Variants in PFKFB1 observed in about 807,000 individuals in gnomAD.
PFKFB1 encodes the protein 6-phosphofructo-2-kinase/fructose-2,6-biphosphatase 1.
In PFKFB1, 34 loss-of-function variants were observed where a neutral mutation model predicts 46.4. The observed-to-expected ratio is 0.73, with a 90% CI of 0.56 to 0.98. The LOEUF (loss-of-function observed/expected upper bound fraction) is 0.98. PFKFB1 is among the 50% of genes least tolerant of loss of function. The probability of loss-of-function intolerance (pLI) is 0.00; values close to 1 mark genes in which losing one functional copy is unlikely to be tolerated. For missense variants in PFKFB1, 393 were observed against 376.3 expected (o/e 1.04, Z -0.37); for synonymous variants, 119 against 133.8 (o/e 0.89, Z 0.76).
chrX:54,956,729 T>A (rs750736859), intron 6 of PFKFB1, among the ~76,000 whole-genome samples: 11 of 110,353 alleles, frequency 1.0e-4, no homozygotes, highest in Non-Finnish European at 2.1e-4. Context: ...ACAGTCCTCA[T>A]CTCAGGTACT....
chrX:54,959,831 A>G lies in PFKFB1; in HGVS notation c.380T>C (p.Val127Ala), dbSNP rs781388819. The G allele has an allele frequency of 8.3e-7, 1 of 1,202,124 alleles. No homozygotes were observed. Among genetic ancestry groups the G allele is most frequent in the Non-Finnish European group, 1.1e-6 (1 of 887,201 alleles). ...AAAAATAAAAAATTTCTTTACCGCAACATGACCTTCCTCATGGCTGAGATA... is the reference window on the plus strand; with the variant it reads ...AAAAATAAAAAATTTCTTTACCGCAGCATGACCTTCCTCATGGCTGAGATA... ...HNYLSHEEGHVAVFDATNTTR... is the reference protein window; with the variant it reads ...HNYLSHEEGHAAVFDATNTTR... The change falls in exon 4 of 14, where the codon GTT becomes GCT. Residue 127 changes from valine (V) to alanine (A), a missense_variant. By Grantham distance (64) the Val-to-Ala change is moderately conservative. Coordinates refer to ENST00000375006, the MANE Select transcript of PFKFB1 (RefSeq NM_002625.4).
At chrX:54,970,191 G>T (rs1934608981) in intron 1 of PFKFB1, among the ~76,000 whole-genome samples, 1 of 111,572 alleles carries the variant, frequency 9.0e-6, no homozygotes, top group Admixed American at 9.5e-5. Context: ...TTATAGGCAT[G>T]AGCCACTGCA....
At chrX:54,988,970 G>A (rs1935173964) in intron 1 of PFKFB1, among the ~76,000 whole-genome samples, 1 of 112,110 alleles carries the variant, frequency 8.9e-6, no homozygotes, top group African/African-American at 3.2e-5. Context: ...AAAGAAACGA[G>A]CCAGATACAA....
At position 54,993,996 on chromosome X, in the gene PFKFB1, C is replaced by T. The variant is rs1935310618; in HGVS notation, c.12G>A (p.Glu4=). ...ACCTGGTTTGGGTGAGCTCTCCCATCTCTGGAGACATCTTAGGAGTCGCAC... is the reference window on the plus strand; with the variant it reads ...ACCTGGTTTGGGTGAGCTCTCCCATTTCTGGAGACATCTTAGGAGTCGCAC... MSP[E]MGELTQTRLQ... The change falls in exon 1 of 14, where the codon GAG becomes GAA. Residue 4 remains glutamate, a synonymous_variant. Coordinates refer to ENST00000375006, the MANE Select transcript of PFKFB1 (RefSeq NM_002625.4). 1 of 1,204,232 alleles carries T rather than the reference C, an allele frequency of 8.3e-7. No individual in the cohort carries two copies. Among genetic ancestry groups the T allele is most frequent in the Non-Finnish European group, 1.1e-6 (1 of 891,626 alleles).
chrX:54,961,839 C>G (rs1035174178), intron 2 of PFKFB1, among the ~76,000 whole-genome samples: 1 of 111,774 alleles, frequency 8.9e-6, no homozygotes, highest in Non-Finnish European at 1.9e-5. Flanking sequence ...CTTTTACAGG[C>G]AGATATGGGC....
At position 54,966,258 on chromosome X, in the gene PFKFB1, C is replaced by CT. The variant is rs1308034839; in HGVS notation, c.98-2877dup. On this transcript the variant is annotated intron_variant, in intron 1 of 13. Coordinates refer to ENST00000375006, the MANE Select transcript of PFKFB1 (RefSeq NM_002625.4). ...CTCTCACTAACTCAAATATAAAACT[C>CT]TGAGAGAATGCATGGACAACTATAT... 1.1e-4 allele frequency among the ~76,000 whole-genome samples: 12 copies of CT among 111,909 alleles called. No individual in the cohort carries two copies. In the East Asian group the frequency reaches 3.4e-3, roughly 31 times the overall value.
At chrX:54,966,647 C>T (rs1041982541) in intron 1 of PFKFB1, among the ~76,000 whole-genome samples, 26 of 111,406 alleles carry the variant, frequency 2.3e-4, no homozygotes, top group African/African-American at 8.5e-4. Context: ...TAAGGTCCTT[C>T]CTCTAGGTGA....
At chrX:54,986,620 T>C (rs1471629436) in intron 1 of PFKFB1, among the ~76,000 whole-genome samples, 2 of 111,941 alleles carry the variant, frequency 1.8e-5, no homozygotes, top group Non-Finnish European at 3.8e-5. Context: ...CTTTCAATAA[T>C]GGATAGAACA....
At position 54,952,057 on chromosome X, in the gene PFKFB1, C is replaced by G; in HGVS notation, c.694G>C (p.Val232Leu). The change falls in exon 8 of 14, where the codon GTG (valine) becomes CTG (leucine). Residue 232 changes from valine (V) to leucine (L), a missense_variant. By Grantham distance (32) the Val-to-Leu change is conservative (BLOSUM62 1). Coordinates refer to ENST00000375006, the MANE Select transcript of PFKFB1 (RefSeq NM_002625.4). Reference protein sequence around the residue: ...DVGTRYMVNRVQDHIQSRTVY... With the variant: ...DVGTRYMVNRLQDHIQSRTVY... ...GTGCGGCTCTGGATGTGATCCTGCA[C>G]TCGGTTCACCATGTAGCGTGTGCCC... is the stretch of plus-strand genomic sequence containing the variant. 3.3e-6 allele frequency: 4 copies of G among 1,209,782 alleles called. No individual in the cohort carries two copies. The highest frequency in any genetic ancestry group is 4.5e-6 in the Non-Finnish European group (4 of 894,895).
intron 7 of PFKFB1, among the ~76,000 whole-genome samples, chrX:54,954,241 C>T (rs188834713): frequency 4.5e-4 from 50 of 112,117 alleles, no homozygotes; most frequent in Non-Finnish European, 7.1e-4. Flanking sequence ...CAGCTGGGTG[C>T]GGTGGCTCAT....
chrX:54,949,664 G>A (rs1188744109), intron 8 of PFKFB1, among the ~76,000 whole-genome samples: 1 of 111,921 alleles, frequency 8.9e-6, no homozygotes, highest in Non-Finnish European at 1.9e-5. Flanking sequence ...ACCAAGTTCT[G>A]TCCACATTTC....
intron 1 of PFKFB1, among the ~76,000 whole-genome samples, chrX:54,966,524 T>C (rs1292280372): frequency 1.8e-5 from 2 of 111,596 alleles, no homozygotes; most frequent in South Asian, 3.8e-4. Flanking sequence ...GGGAAATCCA[T>C]TGGGTTTTTA....
chrX:54,973,005 A>T (rs1359980127), intron 1 of PFKFB1, among the ~76,000 whole-genome samples: 1 of 111,417 alleles, frequency 9.0e-6, no homozygotes, highest in African/African-American at 3.3e-5. Flanking sequence ...GATTATTGCT[A>T]CAATTTCAGA....
chrX:54,998,435 G>A (rs1434186653), upstream of PFKFB1: 26 of 1,150,435 alleles, frequency 2.3e-5, no homozygotes, highest in Non-Finnish European at 2.0e-5. Flanking sequence ...TTCTTCCATC[G>A]CTAATTATCC....
At chrX:54,935,178 G>T (rs1316811430) in intron 11 of PFKFB1, among the ~76,000 whole-genome samples, 169 bp from the exon 12 acceptor site, 2 of 112,424 alleles carry the variant, frequency 1.8e-5, no homozygotes, top group Non-Finnish European at 3.8e-5. Context: ...GAGAGCACCT[G>T]GGAAGAGAGG....
In PFKFB1 at chrX:54,933,274, C is replaced by A; in HGVS notation, c.*129G>T. On this transcript the variant is annotated 3_prime_UTR_variant, in exon 14 of 14. Transcript: ENST00000375006. ...GCAAGCGAGGCTTGTTTGGGAGTTG[C>A]GGAGGACTTCTTCACTGGAAGTGGG... is the stretch of plus-strand genomic sequence containing the variant. The A allele has an allele frequency of 1.9e-6, 1 of 529,205 alleles. No individual in the cohort carries two copies. The highest frequency in any genetic ancestry group is 3.2e-6 in the Non-Finnish European group (1 of 308,543). 43.6% of individuals were successfully genotyped at this position (529,205 alleles called of 1,213,427 possible). A position where few individuals can be genotyped will look rare whatever the true frequency, so the allele number is the denominator to read the frequency against.
At chrX:54,948,046 C>T (rs1429957028) in intron 9 of PFKFB1, among the ~76,000 whole-genome samples, 1 of 110,100 alleles carries the variant, frequency 9.1e-6, no homozygotes, top group Non-Finnish European at 1.9e-5. Context: ...TCTCAGCCTC[C>T]AGAGTAGCTG....
At chrX:54,941,766 GA>G (rs2146599500) in intron 10 of PFKFB1, among the ~76,000 whole-genome samples, 1 of 111,934 alleles carries the variant, frequency 8.9e-6, no homozygotes, top group African/African-American at 3.3e-5. Flanking sequence ...AGGATCTGGA[GA>G]AATAGGAACA....
At position 54,984,248 on chromosome X, in the gene PFKFB1, T is replaced by G. The variant is rs142748197; in HGVS notation, c.97+9663A>C. 1.6e-3 allele frequency among the ~76,000 whole-genome samples: 184 copies of G among 111,737 alleles called. 3 individuals are homozygous for G. The East Asian group carries it at 0.046, about 28-fold the overall frequency. ...AAAGGCATACGGTTTGGAAAATAATTTTTAAAAAATCCCTATTTGCAAATG... is the reference window on the plus strand; with the variant it reads ...AAAGGCATACGGTTTGGAAAATAATGTTTAAAAAATCCCTATTTGCAAATG... On this transcript the variant is annotated intron_variant, in intron 1 of 13. Coordinates refer to ENST00000375006, the MANE Select transcript of PFKFB1 (RefSeq NM_002625.4).
Sources: gnomAD v4.1 joint callset for allele counts (sites outside exome capture counted in the v4.1 genomes callset) on GRCh38, gnomAD v4.1.1 for gene constraint, MANE v1.5 for transcripts, NCBI Gene and HGNC (gene_info 2026-07-23, HGNC 2026-07-21) for gene names.